The following HSD17B12 variants were observed in gnomAD, a reference collection of about 807,000 sequenced individuals.
HSD17B12 encodes the protein very-long-chain 3-oxoacyl-CoA reductase.
In HSD17B12, 32 loss-of-function variants were observed where a neutral mutation model predicts 39.3. The observed-to-expected ratio is 0.81, with a 90% CI of 0.61 to 1.09. The LOEUF (loss-of-function observed/expected upper bound fraction) is 1.09, where lower values mean the gene tolerates loss of function less well. Ranked by LOEUF, HSD17B12 falls within the 50% of genes least tolerant of loss-of-function variation. The pLI is 0.00. For synonymous variants in HSD17B12, 150 were observed against 146.7 expected (o/e 1.02, Z -0.16); for missense variants, 342 against 382.9 (o/e 0.89, Z 0.89).
At chr11:43,573,458 G>A in the HSD17B12 span, among the ~76,000 whole-genome samples, 1 of 152,108 alleles carries the variant, frequency 6.6e-6, no homozygotes, top group African/African-American at 2.4e-5. Flanking sequence ...CCCTCTTCTG[G>A]GAGGGAGGAG....
intron 1 of HSD17B12, among the ~76,000 whole-genome samples, chr11:43,685,270 C>G (rs1949788037): frequency 6.7e-6 from 1 of 150,180 alleles, no homozygotes; most frequent in Admixed American, 6.7e-5. Context: ...CTGGAAAAAC[C>G]ATTCATGAAA....
chr11:43,596,972 A>G, the HSD17B12 span, among the ~76,000 whole-genome samples: 2 of 152,254 alleles, frequency 1.3e-5, no homozygotes, highest in Non-Finnish European at 2.9e-5. Context: ...ACACTTTGCC[A>G]CATATTAGCA....
rs183866577 is a variant in HSD17B12, at chr11:43,743,033, A to G, written c.161-7878A>G. ...ATAGAATATCTAATATCGAATGTGG[A>G]CCATTGTATTCTCGATAGTCATACA... On this transcript the variant is annotated intron_variant, in intron 1 of 10. Coordinates refer to ENST00000278353, the MANE Select transcript of HSD17B12 (RefSeq NM_016142.3). Among the ~76,000 whole-genome samples, 562 of 152,298 alleles carry G rather than the reference A, an allele frequency of 3.7e-3. 15 individuals carry two copies. Among genetic ancestry groups the G allele is most frequent in the Admixed American group, 0.034 (523 of 15,294 alleles).
Position 43,783,790 on chromosome 11 carries a change from C to T in HSD17B12, c.284-14530C>T, listed in dbSNP as rs562697548. 1.3e-4 allele frequency among the ~76,000 whole-genome samples: 19 copies of T among 151,418 alleles called. No individual in the cohort carries two copies. In the South Asian group the frequency reaches 2.4e-3, roughly 19 times the overall value. On this transcript the variant is annotated intron_variant, in intron 3 of 10. Coordinates refer to ENST00000278353, the MANE Select transcript of HSD17B12 (RefSeq NM_016142.3). ...GTTTGTTTACATAGGATACCACTAT[C>T]AATGTTTATCACATTATAAATTGAA...
intron 1 of HSD17B12, among the ~76,000 whole-genome samples, chr11:43,718,039 A>C (rs917407479): frequency 2.0e-5 from 3 of 152,234 alleles, no homozygotes; most frequent in Admixed American, 1.3e-4. Flanking sequence ...TCCTGGCCTC[A>C]AGCAATCCAC....
At chr11:43,851,442 T>G (rs933916766) in intron 9 of HSD17B12, among the ~76,000 whole-genome samples, 3 of 152,252 alleles carry the variant, frequency 2.0e-5, no homozygotes. Flanking sequence ...TAGATGGCTT[T>G]TTGATATCTA....
At chr11:43,743,151 CTAAG>C (rs1224435708) in intron 1 of HSD17B12, among the ~76,000 whole-genome samples, 1 of 152,126 alleles carries the variant, frequency 6.6e-6, no homozygotes, top group Non-Finnish European at 1.5e-5. Context: ...ATAAATCTTT[CTAAG>C]TATGTTTAGT....
At chr11:43,565,043 G>A in the HSD17B12 span, among the ~76,000 whole-genome samples, 2 of 152,036 alleles carry the variant, frequency 1.3e-5, no homozygotes, top group East Asian at 1.9e-4. Context: ...GGGATTACAG[G>A]TGCCCACCAC....
intron 3 of HSD17B12, among the ~76,000 whole-genome samples, chr11:43,772,739 A>C (rs1011949902): frequency 2.0e-5 from 3 of 152,208 alleles, no homozygotes; most frequent in Non-Finnish European, 4.4e-5. Flanking sequence ...TATCATGGGA[A>C]TGTGAGCTAT....
the HSD17B12 span, among the ~76,000 whole-genome samples, chr11:43,574,877 T>C: frequency 6.6e-6 from 1 of 152,218 alleles, no homozygotes; most frequent in Admixed American, 6.5e-5. Context: ...AATTTTCTCC[T>C]CCTCCTACCA....
chr11:43,558,816 T>TC, the HSD17B12 span, among the ~76,000 whole-genome samples: 2 of 152,110 alleles, frequency 1.3e-5, no homozygotes, highest in Non-Finnish European at 2.9e-5. Flanking sequence ...GGAATCGTTT[T>TC]CAGCAGGGAA....
chr11:43,664,234 A>G, the HSD17B12 span, among the ~76,000 whole-genome samples: 1 of 152,192 alleles, frequency 6.6e-6, no homozygotes, highest in East Asian at 1.9e-4. Context: ...GGTTTGGCCT[A>G]AAAGGGTGGG....
At chr11:43,718,321 TACTC>T in intron 1 of HSD17B12, among the ~76,000 whole-genome samples, 1 of 152,328 alleles carries the variant, frequency 6.6e-6, no homozygotes, top group South Asian at 2.1e-4. Flanking sequence ...AGAATATACT[TACTC>T]CTCTCTTAGA....
chr11:43,595,232 C>T, the HSD17B12 span, among the ~76,000 whole-genome samples: 5 of 152,352 alleles, frequency 3.3e-5, no homozygotes, highest in South Asian at 1.0e-3. Context: ...CTTGGATTTT[C>T]ATGGAGCTGT....
chr11:43,797,318 G>C lies in HSD17B12; in HGVS notation c.284-1002G>C, dbSNP rs572833618. Among the ~76,000 whole-genome samples the C allele has an allele frequency of 2.0e-5, 3 of 152,314 alleles. 1 individual carries two copies. Among genetic ancestry groups the C allele is most frequent in the African/African-American group, 7.2e-5 (3 of 41,580 alleles). ...TTTTGAATTCTCAGCAAGTTCTAAA[G>C]AATAAGCATTCCTAGCTCACTGGAC... On this transcript the variant is annotated intron_variant, in intron 3 of 10. Transcript: ENST00000278353.
At chr11:43,650,556 C>T in the HSD17B12 span, among the ~76,000 whole-genome samples, 5 of 151,996 alleles carry the variant, frequency 3.3e-5, no homozygotes, top group East Asian at 1.9e-4. Flanking sequence ...GCAGCCTGGC[C>T]GAATTTAATT....
intron 1 of HSD17B12, among the ~76,000 whole-genome samples, chr11:43,682,900 T>C (rs1390498630): frequency 6.6e-6 from 1 of 151,824 alleles, no homozygotes; most frequent in Non-Finnish European, 1.5e-5. Flanking sequence ...CAAGTGATCC[T>C]CCCATGTGAG....
the HSD17B12 span, among the ~76,000 whole-genome samples, chr11:43,565,278 G>A: frequency 6.6e-6 from 1 of 152,168 alleles, no homozygotes; most frequent in East Asian, 1.9e-4. Context: ...CATGTAATCA[G>A]AAGTCCACCT....
At chr11:43,758,106 C>T (rs1165315641) in intron 3 of HSD17B12, among the ~76,000 whole-genome samples, 1 of 152,154 alleles carries the variant, frequency 6.6e-6, no homozygotes, top group African/African-American at 2.4e-5. Context: ...GTCAGCCAAC[C>T]AAGTCAACCA....
Sources: gnomAD v4.1 joint callset for allele counts (sites outside exome capture counted in the v4.1 genomes callset) on GRCh38, gnomAD v4.1.1 for gene constraint, MANE v1.5 for transcripts, NCBI Gene and HGNC (gene_info 2026-07-23, HGNC 2026-07-21) for gene names.